CUBN: variants seen among roughly 807,000 people sequenced by gnomAD.
CUBN encodes cubilin.
Under a neutral mutation model 405.3 loss-of-function variants are expected in CUBN, and 282 were observed. That is an observed-to-expected ratio of 0.70 (90% CI 0.63 to 0.77). CUBN has a LOEUF of 0.77. CUBN is among the 30% of genes least tolerant of loss of function. CUBN has a pLI of 0.00. For missense variants in CUBN, 4,514 were observed against 4,475.2 expected (o/e 1.01, Z -0.25); for synonymous variants, 1,684 against 1,617.0 (o/e 1.04, Z -0.99).
chr10:17,050,959 A>G (rs1217164313), intron 22 of CUBN, among the ~76,000 whole-genome samples: 1 of 152,106 alleles, frequency 6.6e-6, no homozygotes, highest in African/African-American at 2.4e-5. Flanking sequence ...GATAATACAG[A>G]GTGTCTACAA....
At chr10:16,901,592 G>A (rs1047109945) in intron 51 of CUBN, 133 bp from the exon 52 acceptor site, 9 of 1,204,426 alleles carry the variant, frequency 7.5e-6, no homozygotes, top group South Asian at 3.9e-5. Flanking sequence ...GGTGGCTCAC[G>A]CCAGTAATAC....
At chr10:16,986,422 G>C (rs1833427139) in intron 29 of CUBN, among the ~76,000 whole-genome samples, 1 of 152,162 alleles carries the variant, frequency 6.6e-6, no homozygotes, top group Admixed American at 6.5e-5. Context: ...ACTTTGGGGA[G>C]GAGTGTGTGA....
intron 29 of CUBN, among the ~76,000 whole-genome samples, chr10:16,985,959 C>T (rs1010928946): frequency 1.3e-5 from 2 of 152,216 alleles, no homozygotes; most frequent in Non-Finnish European, 2.9e-5. Context: ...TAGGCCAGGC[C>T]TCCAGGAGGC....
At position 17,028,594 on chromosome 10, in the gene CUBN, G is replaced by A. The variant is rs189362177; in HGVS notation, c.4018-8611C>T. 1.1e-3 allele frequency among the ~76,000 whole-genome samples: 161 copies of A among 151,820 alleles called. 2 individuals carry two copies. The highest frequency in any genetic ancestry group is 6.5e-3 in the Admixed American group (99 of 15,272). ...AAATTCGCCAGGCGTGGTGGTGGGCGCATGTAATCCCAGCTACTCAGGAGG... is the reference window on the plus strand; with the variant it reads ...AAATTCGCCAGGCGTGGTGGTGGGCACATGTAATCCCAGCTACTCAGGAGG... On this transcript the variant is annotated intron_variant, in intron 27 of 66. Transcript: ENST00000377833.
Position 16,890,257 on chromosome 10 carries a change from T to A in CUBN, c.8755+114A>T. On this transcript the variant is annotated intron_variant, in intron 55 of 66. Transcript: ENST00000377833. The stretch of plus-strand genomic sequence containing the variant: ...CTTCTTGGGATTAGGTGACTCATCC[T>A]CCCCGTAGACCCCCATACTCCTCCC... The A allele has an allele frequency of 1.1e-5, 10 of 948,352 alleles. 1 individual carries two copies. The South Asian group carries it at 1.3e-4, about 13-fold the overall frequency. The allele number at this position is 948,352 out of a possible 1,614,324, so 58.7% of individuals were successfully genotyped here.
intron 64 of CUBN, among the ~76,000 whole-genome samples, chr10:16,833,375 C>T (rs538638424): frequency 3.7e-4 from 57 of 152,218 alleles, no homozygotes; most frequent in African/African-American, 1.3e-3. Flanking sequence ...CCTGTCGTGG[C>T]GAGTATTCCT....
chr10:16,934,446 C>A (rs754885242), intron 39 of CUBN, among the ~76,000 whole-genome samples: 20 of 152,138 alleles, frequency 1.3e-4, no homozygotes, highest in Admixed American at 4.6e-4. Context: ...TTTCTTTACC[C>A]TATTACTATG....
At chr10:17,043,347 C>T (rs1835055675) in intron 26 of CUBN, among the ~76,000 whole-genome samples, 1 of 152,064 alleles carries the variant, frequency 6.6e-6, no homozygotes, top group Admixed American at 6.6e-5. Flanking sequence ...TCACATGGAC[C>T]ACAGCTTTCC....
In CUBN at chr10:17,113,477, G is replaced by A. The variant is rs183410108; in HGVS notation, c.883+550C>T. Among the ~76,000 whole-genome samples, 15 of 152,092 alleles carry A rather than the reference G, an allele frequency of 9.9e-5. 1 individual carries two copies. The highest frequency in any genetic ancestry group is 3.4e-3 in the Middle Eastern group (1 of 294). On this transcript the variant is annotated intron_variant, in intron 8 of 66. Transcript: ENST00000377833. ...ATGACTATCTCATAAAACAAAAGAT[G>A]CCCTCGGATTCAAACACAGGCAGTC...
In CUBN at chr10:16,828,852, C is replaced by G. The variant is rs1181916965; in HGVS notation, c.10717G>C (p.Asp3573His). The part of the protein sequence containing the change: ...DCVQNYLTLY[D>H]GPNASSPSSG... ...GATGGAGAGCTGGCGTTGGGCCCAT[C>G]ATAGAGTGTGAGATAGTTCTGGACA... Residue 3573 changes from aspartate to histidine, a missense_variant, in exon 66 of 67, where the codon GAT becomes CAT. By Grantham distance (81) the Asp-to-His change is moderately conservative. Coordinates refer to ENST00000377833, the MANE Select transcript of CUBN (RefSeq NM_001081.4). 3.1e-6 allele frequency: 5 copies of G among 1,614,208 alleles called. No homozygotes were observed. The highest frequency in any genetic ancestry group is 2.2e-5 in the East Asian group (1 of 44,884).
At chr10:16,901,312 C>T in intron 52 of CUBN, 26 bp downstream of exon 52, 1 of 1,613,996 alleles carries the variant, frequency 6.2e-7, no homozygotes, top group Middle Eastern at 1.7e-4. Context: ...GTCTCAGAAG[C>T]ATTTCACCCA....
intron 57 of CUBN, among the ~76,000 whole-genome samples, chr10:16,875,749 T>G (rs559820523): frequency 1.6e-4 from 24 of 152,374 alleles, no homozygotes; most frequent in African/African-American, 5.8e-4. Context: ...AACGACACTC[T>G]TTAAGTGGGA....
chr10:17,083,052 TAA>T (rs373591672), intron 17 of CUBN, among the ~76,000 whole-genome samples: 1 of 146,886 alleles, frequency 6.8e-6, no homozygotes, highest in African/African-American at 2.5e-5. Flanking sequence ...TCTCAAAAGT[TAA>T]AAAAAAAAGG....
At chr10:17,046,739 T>C (rs1361745790) in intron 23 of CUBN, among the ~76,000 whole-genome samples, 1 of 152,174 alleles carries the variant, frequency 6.6e-6, no homozygotes, top group Non-Finnish European at 1.5e-5. Context: ...TACTTTATAT[T>C]ATAGAATAAC....
chr10:17,074,973 A>G (rs1013387648), intron 17 of CUBN, among the ~76,000 whole-genome samples: 1 of 152,110 alleles, frequency 6.6e-6, no homozygotes, highest in Non-Finnish European at 1.5e-5. Context: ...GATTATGGAA[A>G]ACTCAGTGGA....
At chr10:17,122,597 G>C (rs1454772356) in intron 6 of CUBN, 198 bp downstream of exon 6, 2 of 630,956 alleles carry the variant, frequency 3.2e-6, no homozygotes, top group Non-Finnish European at 6.0e-6. Flanking sequence ...TTCACGGGGT[G>C]AGAGTAAAGG....
chr10:16,877,168 A>G (rs1052634771), intron 56 of CUBN, 71 bp from the exon 57 acceptor site: 1 of 1,332,914 alleles, frequency 7.5e-7, no homozygotes, highest in East Asian at 2.5e-5. Flanking sequence ...AAAAATAAAA[A>G]CAAAAATGTG....
At chr10:17,091,944 T>C (rs10159546) in intron 14 of CUBN, among the ~76,000 whole-genome samples, 81,828 of 151,712 alleles carry the variant, frequency 0.54, 22,703 homozygotes, top group East Asian at 0.7. Context: ...TTCTTCATTC[T>C]TTCACTTTCT....
intron 27 of CUBN, among the ~76,000 whole-genome samples, chr10:17,029,499 ATCC>A: frequency 6.6e-6 from 1 of 152,334 alleles, no homozygotes; most frequent in East Asian, 1.9e-4. Flanking sequence ...CTTTTTTTGA[ATCC>A]AGGTATCATG....
Sources: gnomAD v4.1 joint callset for allele counts (sites outside exome capture counted in the v4.1 genomes callset) on GRCh38, gnomAD v4.1.1 for gene constraint, MANE v1.5 for transcripts, NCBI Gene and HGNC (gene_info 2026-07-23, HGNC 2026-07-21) for gene names.